Variants in ATP8B1 observed in about 807,000 individuals in gnomAD.
The protein encoded by ATP8B1 is phospholipid-transporting ATPase IC.
Under a neutral mutation model 149.9 loss-of-function variants are expected in ATP8B1, and 80 were observed. That is an observed-to-expected ratio of 0.53 (90% confidence interval 0.45 to 0.64). The LOEUF is 0.64. Ranked by LOEUF, ATP8B1 falls within the 30% of genes least tolerant of loss-of-function variation. ATP8B1 has a pLI of 0.00. For missense variants in ATP8B1, 1,247 were observed against 1,552.6 expected (o/e 0.80, Z 3.31); for synonymous variants, 536 against 562.8 (o/e 0.95, Z 0.67).
At chr18:57,680,431 C>G (rs1006031608) in intron 15 of ATP8B1, among the ~76,000 whole-genome samples, 1 of 145,610 alleles carries the variant, frequency 6.9e-6, no homozygotes, top group Non-Finnish European at 1.5e-5. Context: ...ATTAAAAATG[C>G]AAAATTAGCT....
chr18:57,730,814 TATATATATATATATATATATACACAC>T (rs35109606), intron 2 of ATP8B1, among the ~76,000 whole-genome samples: 148,080 of 151,060 alleles, frequency 0.98, 72,627 homozygotes, highest in Non-Finnish European at 1. Context: ...TATATATATA[TATATATATATATATATATATACACAC>T]ACACACACAC....
intron 22 of ATP8B1, among the ~76,000 whole-genome samples, chr18:57,657,983 C>T (rs1190558679): frequency 6.6e-6 from 1 of 152,030 alleles, no homozygotes; most frequent in Non-Finnish European, 1.5e-5. Context: ...AGGTGCCTCA[C>T]TGGTAGACAT....
At chr18:57,727,554 G>A (rs890625343) in intron 2 of ATP8B1, among the ~76,000 whole-genome samples, 4 of 152,162 alleles carry the variant, frequency 2.6e-5, no homozygotes, top group Non-Finnish European at 5.9e-5. Flanking sequence ...ACTTTGGGAG[G>A]CTGAGGCTGG....
At chr18:57,702,906 A>G (rs939490391) in intron 4 of ATP8B1, among the ~76,000 whole-genome samples, 26 of 152,116 alleles carry the variant, frequency 1.7e-4, no homozygotes, top group African/African-American at 5.3e-4. Context: ...TGCAGTTAGA[A>G]GACAAAAAGA....
At chr18:57,676,170 T>C (rs1003257295) in intron 15 of ATP8B1, among the ~76,000 whole-genome samples, 6 of 152,204 alleles carry the variant, frequency 3.9e-5, no homozygotes, top group African/African-American at 1.4e-4. Context: ...TTCTTTCTTT[T>C]TTGTTTTTTT....
At chr18:57,735,102 T>C (rs1414934854) in intron 1 of ATP8B1, 1 of 152,404 alleles carries the variant, frequency 6.6e-6, no homozygotes, top group Non-Finnish European at 1.5e-5. Flanking sequence ...GTCCCCTCCT[T>C]GTATGGGAGC....
At chr18:57,764,618 C>T (rs2080192843) in intron 1 of ATP8B1, among the ~76,000 whole-genome samples, 2 of 151,734 alleles carry the variant, frequency 1.3e-5, no homozygotes, top group Admixed American at 1.3e-4. Flanking sequence ...GGGGTTTTAC[C>T]ATGTTAGGCA....
In ATP8B1 at chr18:57,647,589, G is replaced by A. The variant is rs887562438; in HGVS notation, c.*899C>T. ...CTGGGAAATTATGCTGAAGATCACC[G>A]AAAGGAAAATGTAACTGTAATTTTA... is the stretch of plus-strand genomic sequence containing the variant. On this transcript the variant is annotated 3_prime_UTR_variant, in exon 28 of 28. Coordinates refer to ENST00000648908, the MANE Select transcript of ATP8B1 (RefSeq NM_001374385.1). 6.6e-6 allele frequency: 1 copy of A among 152,532 alleles called. No individual in the cohort carries two copies. The highest frequency in any genetic ancestry group is 1.5e-5 in the Non-Finnish European group (1 of 68,018). 9.4% of individuals were successfully genotyped at this position (152,532 alleles called of 1,614,324 possible).
At chr18:57,752,945 C>A (rs550714677) in intron 1 of ATP8B1, among the ~76,000 whole-genome samples, 1 of 152,134 alleles carries the variant, frequency 6.6e-6, no homozygotes, top group Non-Finnish European at 1.5e-5. Flanking sequence ...TGTAGAGGAA[C>A]CAGAACCAGA....
In ATP8B1 at chr18:57,701,095, G is replaced by A. The variant is rs1260954020; in HGVS notation, c.498C>T (p.Arg166=). Reference sequence around the variant, plus strand: ...TGTTGATTTCCTTATCCATTTTATGGCGAGCCTTGAGAAGGAAGATGGGGA... The same window carrying A: ...TGTTGATTTCCTTATCCATTTTATGACGAGCCTTGAGAAGGAAGATGGGGA... ...AIKDLVDDVA[R]HKMDKEINNR... The change falls in exon 6 of 28, where the codon CGC becomes CGT. Residue 166 remains arginine (R), a synonymous_variant. Transcript: ENST00000648908. 2 of 1,613,914 alleles carry A rather than the reference G, an allele frequency of 1.2e-6. No homozygotes were observed. The highest frequency in any genetic ancestry group is 4.5e-5 in the East Asian group (2 of 44,892).
chr18:57,704,004 T>C (rs975523568), intron 4 of ATP8B1, among the ~76,000 whole-genome samples: 1 of 152,294 alleles, frequency 6.6e-6, no homozygotes, highest in Admixed American at 6.5e-5. Context: ...TTAGCTCTTG[T>C]TGTCCAAGCT....
chr18:57,784,808 T>G lies in ATP8B1; in HGVS notation c.-26+18190A>C, dbSNP rs2080391247. ...CTAGTGACGTTTTGGGTAAGATACT[T>G]CTTTGTTGTAGAGGCTGAGCTGCAT... On this transcript the variant is annotated intron_variant, in intron 1 of 27. Transcript: ENST00000648908. This position sits in a 1 kb window ranked among gnomAD's most constrained non-coding sequence, Gnocchi z 4.4. Among the ~76,000 whole-genome samples, 1 of 152,170 alleles carries G rather than the reference T, an allele frequency of 6.6e-6. No individual in the cohort carries two copies. Among genetic ancestry groups the G allele is most frequent in the Admixed American group, 6.5e-5 (1 of 15,274 alleles).
intron 2 of ATP8B1, among the ~76,000 whole-genome samples, chr18:57,725,129 A>G (rs1330639283): frequency 8.4e-6 from 1 of 119,066 alleles, no homozygotes; most frequent in Non-Finnish European, 1.7e-5. Context: ...GAGGGATAGC[A>G]TTGGGAGATA....
At chr18:57,771,599 T>C (rs1267825307) in intron 1 of ATP8B1, among the ~76,000 whole-genome samples, 3 of 152,278 alleles carry the variant, frequency 2.0e-5, no homozygotes, top group Admixed American at 6.5e-5. Context: ...TAATGAGCTG[T>C]CCAAGCATAT....
At chr18:57,788,400 A>G (rs986838326) in intron 1 of ATP8B1, among the ~76,000 whole-genome samples, 5 of 151,942 alleles carry the variant, frequency 3.3e-5, no homozygotes, top group African/African-American at 1.2e-4. Flanking sequence ...CTAAAAATAC[A>G]AACAATTAGT....
rs71171066 is a variant in ATP8B1 at position 57,680,277 on chromosome 18, CAAAAAAAAA to C, written c.1630+3750_1630+3758del. Among the ~76,000 whole-genome samples the C allele has an allele frequency of 2.5e-4, 10 of 40,452 alleles. 1 individual carries two copies. The East Asian group carries it at 5.3e-3, about 21-fold the overall frequency. The allele number at this position is 40,452 out of a possible 152,430, so 26.5% of individuals were successfully genotyped here. On this transcript the variant is annotated intron_variant, in intron 15 of 27. Coordinates refer to ENST00000648908, the MANE Select transcript of ATP8B1 (RefSeq NM_001374385.1). ...GGGCAACAGGAGCGAGACTCAGTCT[CAAAAAAAAA>C]AAAAAAAAAAAAAAAAGACTGGGTG...
chr18:57,715,670 G>A (rs1286689740), intron 2 of ATP8B1, among the ~76,000 whole-genome samples: 1 of 152,180 alleles, frequency 6.6e-6, no homozygotes, highest in Non-Finnish European at 1.5e-5. Flanking sequence ...ACGTCTGGCA[G>A]CAGACTTTTC....
intron 26 of ATP8B1, among the ~76,000 whole-genome samples, chr18:57,651,776 C>T (rs532963209): frequency 7.9e-5 from 12 of 151,814 alleles, no homozygotes; most frequent in African/African-American, 2.7e-4. Context: ...GAACTACAGG[C>T]ATGTGCCACC....
At chr18:57,759,904 C>G (rs1227384170) in intron 1 of ATP8B1, among the ~76,000 whole-genome samples, 1 of 152,016 alleles carries the variant, frequency 6.6e-6, no homozygotes, top group African/African-American at 2.4e-5. Flanking sequence ...CTGCCCTGTG[C>G]AAACCAACTG....
Sources: gnomAD v4.1 joint callset for allele counts (sites outside exome capture counted in the v4.1 genomes callset) on GRCh38, gnomAD v4.1.1 for gene constraint, Gnocchi (gnomAD v3.1) non-coding constraint, MANE v1.5 for transcripts, NCBI Gene and HGNC (gene_info 2026-07-23, HGNC 2026-07-21) for gene names.